The following FUT8 variants were observed in gnomAD, a reference collection of about 807,000 sequenced individuals.
The protein encoded by FUT8 is fucosyltransferase 8, also known as alpha-(1,6)-fucosyltransferase.
A neutral mutation model predicts 71.3 loss-of-function variants in FUT8; 29 were observed. The observed-to-expected ratio is 0.41, with a 90% CI of 0.30 to 0.55. The LOEUF is 0.55. Ranked by LOEUF, FUT8 falls within the 20% of genes least tolerant of loss-of-function variation. FUT8 has a pLI of 0.34. For missense variants in FUT8, 544 were observed against 702.1 expected, an observed-to-expected ratio of 0.77 and a Z score of 2.55; for synonymous variants, 254 against 239.3, an observed-to-expected ratio of 1.06 and a Z score of -0.57.
intron 9 of FUT8, among the ~76,000 whole-genome samples, chr14:65,729,669 C>CGATATAA (rs1411596852): frequency 1.1e-4 from 16 of 152,240 alleles, no homozygotes; most frequent in African/African-American, 3.9e-4. Context: ...CACATGCCAC[C>CGATATAA]ACACTCAGCT....
rs1452796186 is a variant in FUT8 at position 65,472,378 on chromosome 14, A to G, written c.-228+16660A>G. On this transcript the variant is annotated intron_variant, in intron 2 of 10. Transcript: ENST00000673929. This position sits in a 1 kb window ranked among gnomAD's most constrained non-coding sequence, Gnocchi z 4.4. ...TTCTGACCCCTCCCCACCATGCCCA[A>G]CAACATCTCCCATTAGGCCCCACCC... Among the ~76,000 whole-genome samples the G allele has an allele frequency of 6.6e-6, 1 of 152,106 alleles. No individual in the cohort carries two copies. The highest frequency in any genetic ancestry group is 1.9e-4 in the East Asian group (1 of 5,198).
At chr14:65,650,137 A>G (rs989299935) in intron 6 of FUT8, among the ~76,000 whole-genome samples, 1 of 151,950 alleles carries the variant, frequency 6.6e-6, no homozygotes, top group Non-Finnish European at 1.5e-5. Context: ...TCTACTAAAA[A>G]TACAAAAAAA....
At chr14:65,468,302 A>G (rs904127316) in intron 2 of FUT8, 2 of 615,016 alleles carry the variant, frequency 3.3e-6, no homozygotes, top group African/African-American at 1.8e-5. Flanking sequence ...GGCCTAGAGA[A>G]CATATATCGG....
intron 6 of FUT8, chr14:65,645,845 C>G (rs557844352): frequency 6.6e-6 from 1 of 152,320 alleles, no homozygotes; most frequent in Admixed American, 6.5e-5. Context: ...TGCAATCTCT[C>G]ACCCTGTATC....
At chr14:65,735,655 T>G (rs1896183545) in intron 10 of FUT8, among the ~76,000 whole-genome samples, 1 of 152,168 alleles carries the variant, frequency 6.6e-6, no homozygotes, top group African/African-American at 2.4e-5. Flanking sequence ...TAGAAATACC[T>G]TACATTTATA....
At chr14:65,448,093 C>T (rs1410903752) in intron 1 of FUT8, among the ~76,000 whole-genome samples, 2 of 152,164 alleles carry the variant, frequency 1.3e-5, no homozygotes, top group East Asian at 3.8e-4. Flanking sequence ...CCTGTTGATT[C>T]TATCTCTTTA....
At chr14:65,414,280 T>C (rs975045317) in intron 1 of FUT8, among the ~76,000 whole-genome samples, 7 of 152,220 alleles carry the variant, frequency 4.6e-5, no homozygotes, top group Admixed American at 4.6e-4. Flanking sequence ...ATAGATTTTT[T>C]TTTTCTTGTT....
At chr14:65,512,920 A>G (rs898486556) in intron 2 of FUT8, among the ~76,000 whole-genome samples, 6 of 151,450 alleles carry the variant, frequency 4.0e-5, no homozygotes, top group Non-Finnish European at 7.4e-5. Flanking sequence ...AAAAAAAAAA[A>G]AAAAAGAAAA....
At chr14:65,670,646 G>A (rs1465586441) in intron 7 of FUT8, among the ~76,000 whole-genome samples, 2 of 151,980 alleles carry the variant, frequency 1.3e-5, no homozygotes, top group African/African-American at 2.4e-5. Flanking sequence ...TTTTTCACGA[G>A]CTACAACACT....
chr14:65,629,313 AT>A (rs1890054744), intron 5 of FUT8, among the ~76,000 whole-genome samples, 178 bp from the exon 6 acceptor site: 1 of 152,200 alleles, frequency 6.6e-6, no homozygotes, highest in South Asian at 2.1e-4. Flanking sequence ...AGGAATGACT[AT>A]TGGATTTTAA....
At chr14:65,628,518 A>G (rs1890014568) in intron 5 of FUT8, among the ~76,000 whole-genome samples, 1 of 152,214 alleles carries the variant, frequency 6.6e-6, no homozygotes, top group Non-Finnish European at 1.5e-5. Context: ...TGGTGGTGAT[A>G]TGTGAAAAAT....
the FUT8 span, among the ~76,000 whole-genome samples, chr14:65,399,911 C>G: frequency 2.0e-5 from 3 of 152,202 alleles, no homozygotes; most frequent in African/African-American, 7.2e-5. Flanking sequence ...ATAAAATCTA[C>G]TTTCTTCATT....
At chr14:65,695,065 A>G (rs1034448942) in intron 7 of FUT8, among the ~76,000 whole-genome samples, 1 of 152,214 alleles carries the variant, frequency 6.6e-6, no homozygotes. Flanking sequence ...TAATTTGTTA[A>G]GGTGTGTTTT....
At chr14:65,390,024 C>G in the FUT8 span, among the ~76,000 whole-genome samples, 1 of 150,960 alleles carries the variant, frequency 6.6e-6, no homozygotes. Context: ...GCTTGTAATC[C>G]CAGCTACTTG....
At chr14:65,709,402 A>C (rs923139877) in intron 7 of FUT8, among the ~76,000 whole-genome samples, 1 of 152,246 alleles carries the variant, frequency 6.6e-6, no homozygotes, top group Admixed American at 6.5e-5. Context: ...TTGATAAAAC[A>C]TTAAAATAAA....
chr14:65,598,547 A>T (rs953925375), intron 3 of FUT8, among the ~76,000 whole-genome samples: 1 of 152,110 alleles, frequency 6.6e-6, no homozygotes, highest in Non-Finnish European at 1.5e-5. Context: ...GTTAAATAAT[A>T]GTGATGTGGT....
the FUT8 span, among the ~76,000 whole-genome samples, chr14:65,374,659 A>G: frequency 2.0e-5 from 3 of 151,686 alleles, no homozygotes; most frequent in East Asian, 5.8e-4. Flanking sequence ...CAGTGGTACA[A>G]TTTTGGCTCA....
rs57971519 is a variant in FUT8, at chr14:65,650,707, C to CA, written c.598-18514dup. Among the ~76,000 whole-genome samples the CA allele has an allele frequency of 5.5e-3, 651 of 118,892 alleles. 14 individuals carry two copies. The highest frequency in any genetic ancestry group is 0.019 in the African/African-American group (574 of 29,478). The allele number at this position is 118,892 out of a possible 152,430, so 78.0% of individuals were successfully genotyped here. A position where few individuals can be genotyped will look rare whatever the true frequency, so the allele number is the denominator to read the frequency against. ...AGATCACTGTAATTCCTGCTAATTA[C>CA]AAAAAAAAAAAAAAAAAAAAAACAA... On this transcript the variant is annotated intron_variant, in intron 6 of 10. Coordinates refer to ENST00000673929, the MANE Select transcript of FUT8 (RefSeq NM_001371533.1).
intron 2 of FUT8, among the ~76,000 whole-genome samples, chr14:65,492,697 C>T (rs2066499779): frequency 6.6e-6 from 1 of 151,922 alleles, no homozygotes; most frequent in Non-Finnish European, 1.5e-5. Context: ...GTGTTGTAGA[C>T]TTTAGATTTC....
Sources: allele counts gnomAD v4.1 joint callset (sites outside exome capture counted in the v4.1 genomes callset), GRCh38; gene constraint gnomAD v4.1.1; non-coding constraint Gnocchi (gnomAD v3.1); transcripts MANE v1.5; gene names NCBI Gene and HGNC (gene_info 2026-07-23, HGNC 2026-07-21).